The following ELP1 variants were observed in gnomAD, a reference collection of about 807,000 sequenced individuals.
ELP1 encodes the protein elongator acetyltransferase complex subunit 1, also known as elongator complex protein 1.
In ELP1, 131 loss-of-function variants were observed where a neutral mutation model predicts 183.2. That is an observed-to-expected ratio of 0.72 (90% CI 0.62 to 0.83). The LOEUF is 0.83. Ranked by LOEUF, ELP1 falls within the 40% of genes least tolerant of loss-of-function variation. The pLI is 0.00. For synonymous variants in ELP1, 555 were observed against 569.0 expected, an observed-to-expected ratio of 0.98 and a Z score of 0.35; for missense variants, 1,550 against 1,594.9, an observed-to-expected ratio of 0.97 and a Z score of 0.48.
At chr9:108,924,316 T>C (rs1260929292) in intron 5 of ELP1, among the ~76,000 whole-genome samples, 2 of 152,092 alleles carry the variant, frequency 1.3e-5, no homozygotes, top group African/African-American at 2.4e-5. Context: ...AACATATTCA[T>C]GACCTAGCCC....
chr9:108,932,997 A>C (rs1305463770), intron 1 of ELP1, among the ~76,000 whole-genome samples: 1 of 152,156 alleles, frequency 6.6e-6, no homozygotes, highest in African/African-American at 2.4e-5. Context: ...GCTAGACATC[A>C]CATGCATGAT....
rs967226136 is a variant in ELP1 at position 108,927,260 on chromosome 9, T to C, written c.385+112A>G. On this transcript the variant is annotated intron_variant, in intron 4 of 36. Transcript: ENST00000374647. ...TTATACTGGTTCATAATTGGTATTA[T>C]ACTGGTTCAAAGAAATTTTTTGAAA... is the stretch of plus-strand genomic sequence containing the variant. 6 of 812,746 alleles carry C rather than the reference T, an allele frequency of 7.4e-6. No individual in the cohort carries two copies. In the African/African-American group the frequency reaches 1.0e-4, roughly 14 times the overall value. 50.3% of individuals were successfully genotyped at this position (812,746 alleles called of 1,614,324 possible).
intron 3 of ELP1, among the ~76,000 whole-genome samples, chr9:108,928,627 T>A (rs1404859518): frequency 1.3e-5 from 2 of 152,196 alleles, no homozygotes; most frequent in African/African-American, 4.8e-5. Flanking sequence ...AAGGGGCTTA[T>A]AAGGCACAAT....
At chr9:108,932,632 G>C (rs1170622040) in intron 1 of ELP1, among the ~76,000 whole-genome samples, 1 of 152,078 alleles carries the variant, frequency 6.6e-6, no homozygotes, top group African/African-American at 2.4e-5. Flanking sequence ...CTGAGCCACC[G>C]TGCCTGGCTG....
At chr9:108,892,170 C>T (rs1252530561) in intron 27 of ELP1, among the ~76,000 whole-genome samples, 2 of 152,202 alleles carry the variant, frequency 1.3e-5, no homozygotes, top group African/African-American at 4.8e-5. Flanking sequence ...CGAGGGCAGG[C>T]TGCTCTGGGG....
intron 13 of ELP1, among the ~76,000 whole-genome samples, chr9:108,907,209 C>T (rs1829053636): frequency 6.6e-6 from 1 of 152,160 alleles, no homozygotes; most frequent in Non-Finnish European, 1.5e-5. Context: ...CAATTCTTTG[C>T]CAACCCCAAA....
chr9:108,917,777 G>A (rs1829503730), intron 8 of ELP1, 107 bp from the exon 9 acceptor site: 12 of 1,152,196 alleles, frequency 1.0e-5, no homozygotes, highest in East Asian at 7.1e-5. Flanking sequence ...ATGAATGAAC[G>A]AATTAATGAA....
chr9:108,882,004 C>T (rs922076976), intron 30 of ELP1, 121 bp downstream of exon 30: 2 of 826,432 alleles, frequency 2.4e-6, no homozygotes, highest in Non-Finnish European at 4.1e-6. Flanking sequence ...AAGCCAGGAA[C>T]CTGACCTATT....
In ELP1 at chr9:108,903,465, G is replaced by A. The variant is rs1456585980; in HGVS notation, c.1750+98C>T. 3.4e-6 allele frequency: 3 copies of A among 881,372 alleles called. No homozygotes were observed. In the African/African-American group the frequency reaches 4.9e-5, roughly 15 times the overall value. The allele number at this position is 881,372 out of a possible 1,614,324, so 54.6% of individuals were successfully genotyped here. A position where few individuals can be genotyped will look rare whatever the true frequency, so the allele number is the denominator to read the frequency against. ...GTTTTCCAGGGTAGTTAAAAGACCT[G>A]ACAATCAATATTGAACTGACAAGAT... On this transcript the variant is annotated intron_variant, in intron 15 of 36. Coordinates refer to ENST00000374647, the MANE Select transcript of ELP1 (RefSeq NM_003640.5).
At chr9:108,916,440 C>A in intron 9 of ELP1, 143 bp from the exon 10 acceptor site, 1 of 712,272 alleles carries the variant, frequency 1.4e-6, no homozygotes, top group Non-Finnish European at 2.5e-6. Flanking sequence ...CCTACAGAGG[C>A]ATTAAACAAA....
chr9:108,896,431 C>T, intron 25 of ELP1, 65 bp downstream of exon 25: 1 of 1,479,432 alleles, frequency 6.8e-7, no homozygotes, highest in Admixed American at 1.7e-5. Context: ...CTACCAGAAG[C>T]AGGGTTTCAC....
chr9:108,910,697 C>T (rs753209114), intron 12 of ELP1, among the ~76,000 whole-genome samples: 6 of 151,938 alleles, frequency 3.9e-5, no homozygotes, highest in Non-Finnish European at 7.4e-5. Flanking sequence ...TGTGTAAAGG[C>T]TATGAAAAGA....
Position 108,869,041 on chromosome 9 carries a change from GAGCA to G in ELP1, c.*70_*73del, listed in dbSNP as rs1188775021. ...CAGTTCTCAATAGCCAGCCCTCAAAGAGCAAGGGGTGGTAGGACAACAGGAATGA... is the reference window on the plus strand; with the variant it reads ...CAGTTCTCAATAGCCAGCCCTCAAAGAGGGGTGGTAGGACAACAGGAATGA... On this transcript the variant is annotated 3_prime_UTR_variant, in exon 37 of 37. Coordinates refer to ENST00000374647, the MANE Select transcript of ELP1 (RefSeq NM_003640.5). The G allele has an allele frequency of 7.6e-7, 1 of 1,319,722 alleles. No individual in the cohort carries two copies. The highest frequency in any genetic ancestry group is 1.1e-6 in the Non-Finnish European group (1 of 911,258). 81.8% of individuals were successfully genotyped at this position (1,319,722 alleles called of 1,614,324 possible). A position where few individuals can be genotyped will look rare whatever the true frequency, so the allele number is the denominator to read the frequency against.
At chr9:108,881,603 G>T in intron 31 of ELP1, 102 bp downstream of exon 31, 1 of 765,190 alleles carries the variant, frequency 1.3e-6, no homozygotes, top group East Asian at 2.6e-5. Flanking sequence ...GAGTCTACAT[G>T]ACATATTATT....
At chr9:108,900,234 C>G in intron 19 of ELP1, 26 bp downstream of exon 19, 2 of 1,447,716 alleles carry the variant, frequency 1.4e-6, no homozygotes, top group Non-Finnish European at 1.9e-6. Flanking sequence ...ATCAGACTAT[C>G]TATCTTGTCT....
intron 11 of ELP1, among the ~76,000 whole-genome samples, chr9:108,911,828 G>C (rs963757554): frequency 6.6e-6 from 1 of 151,818 alleles, no homozygotes; most frequent in African/African-American, 2.4e-5. Flanking sequence ...GTTTATGCAT[G>C]AACTGAACAT....
At chr9:108,886,059 T>C (rs1828109720) in intron 29 of ELP1, among the ~76,000 whole-genome samples, 1 of 152,198 alleles carries the variant, frequency 6.6e-6, no homozygotes, top group African/African-American at 2.4e-5. Flanking sequence ...ATGCAAATAC[T>C]GTTACAAGAG....
chr9:108,878,272 T>A, intron 34 of ELP1, 123 bp from the exon 35 acceptor site: 1 of 815,836 alleles, frequency 1.2e-6, no homozygotes, highest in Non-Finnish European at 2.0e-6. Flanking sequence ...TTCTCCCACA[T>A]TATCTTTTTT....
chr9:108,920,982 T>A (rs765887133), intron 6 of ELP1, among the ~76,000 whole-genome samples: 2 of 152,184 alleles, frequency 1.3e-5, no homozygotes, highest in Non-Finnish European at 2.9e-5. Context: ...TAACAAAGTA[T>A]GGAAAACTGC....
Sources: allele counts gnomAD v4.1 joint callset (sites outside exome capture counted in the v4.1 genomes callset), GRCh38; gene constraint gnomAD v4.1.1; transcripts MANE v1.5; gene names NCBI Gene and HGNC (gene_info 2026-07-23, HGNC 2026-07-21).